The following SHTN1 variants were observed in gnomAD, a reference collection of about 807,000 sequenced individuals.
The protein encoded by SHTN1 is shootin-1.
In SHTN1, 42 loss-of-function variants were observed where a neutral mutation model predicts 83.1. The ratio of observed to expected loss-of-function variants is 0.51; its 90% confidence interval spans 0.39 to 0.65. The LOEUF (loss-of-function observed/expected upper bound fraction) is 0.65. Among genes scored for constraint, SHTN1 ranks in the 30% least tolerant of loss-of-function variants. The probability of loss-of-function intolerance (pLI) is 0.00; values close to 1 mark genes in which losing one functional copy is unlikely to be tolerated. For missense variants in SHTN1, 622 were observed against 737.8 expected (o/e 0.84, Z 1.82); for synonymous variants, 224 against 247.7 (o/e 0.90, Z 0.90).
chr10:116,886,687 A>AT (rs1476490097), intron 16 of SHTN1, 121 bp from the exon 17 acceptor site: 12 of 1,340,514 alleles, frequency 9.0e-6, no homozygotes, highest in African/African-American at 5.8e-5. Flanking sequence ...CAACATGCAT[A>AT]TAGTAGTCTT....
chr10:116,895,104 G>A (rs763830722), intron 16 of SHTN1, among the ~76,000 whole-genome samples: 1 of 152,076 alleles, frequency 6.6e-6, no homozygotes, highest in Non-Finnish European at 1.5e-5. Context: ...AAATGTATTT[G>A]GTGCTTTAGA....
At chr10:116,906,315 G>C (rs1847970221) in intron 15 of SHTN1, among the ~76,000 whole-genome samples, 1 of 152,200 alleles carries the variant, frequency 6.6e-6, no homozygotes, top group South Asian at 2.1e-4. Flanking sequence ...TGGCTCCAGA[G>C]CCTGTACTTG....
intron 5 of SHTN1, among the ~76,000 whole-genome samples, chr10:116,952,883 T>C (rs1234490945): frequency 2.6e-5 from 4 of 152,238 alleles, no homozygotes; most frequent in African/African-American, 9.6e-5. Flanking sequence ...CAGAGACTTA[T>C]TTCTGAATCA....
chr10:116,973,970 T>G (rs1648587716), intron 2 of SHTN1: 1 of 1,225,254 alleles, frequency 8.2e-7, no homozygotes, highest in Admixed American at 2.3e-5. Flanking sequence ...TTTCTGGATT[T>G]CTACACTCTT....
chr10:117,073,683 T>C (rs1473944695), intron 1 of SHTN1, among the ~76,000 whole-genome samples: 1 of 152,222 alleles, frequency 6.6e-6, no homozygotes, highest in East Asian at 1.9e-4. Flanking sequence ...AGCCCCCTCC[T>C]CTAGGAGTCT....
rs766851847 is a variant in SHTN1, at chr10:116,988,534, A to ATTAT, written c.59-9230_59-9227dup. Reference sequence around the variant, plus strand: ...ATATTTTATCTTATTTTACTTATATATTATTTATTTATTTATTTATTTTAT... The same window carrying ATTAT: ...ATATTTTATCTTATTTTACTTATATATTATTTATTTATTTATTTATTTATTTTAT... On this transcript the variant is annotated intron_variant, in intron 1 of 16. Transcript: ENST00000355371. Among the ~76,000 whole-genome samples the ATTAT allele has an allele frequency of 2.9e-3, 415 of 145,504 alleles. 3 individuals carry two copies. The highest frequency in any genetic ancestry group is 4.3e-3 in the Non-Finnish European group (285 of 65,926).
intron 15 of SHTN1, among the ~76,000 whole-genome samples, chr10:116,905,203 C>T (rs1847919753): frequency 7.6e-6 from 1 of 131,122 alleles, no homozygotes. Context: ...AGCGAGACTC[C>T]GTCTCAAAAA....
intron 1 of SHTN1, among the ~76,000 whole-genome samples, chr10:117,073,012 A>T (rs1589920367): frequency 6.6e-6 from 1 of 152,312 alleles, no homozygotes; most frequent in East Asian, 1.9e-4. Context: ...TAGCATAAAT[A>T]AAAAAATATC....
intron 16 of SHTN1, among the ~76,000 whole-genome samples, chr10:116,893,518 A>G (rs560591987): frequency 6.1e-4 from 89 of 145,318 alleles, no homozygotes; most frequent in Admixed American, 3.9e-3. Context: ...TCAGAAACAA[A>G]TGTTTACTAA....
chr10:117,115,413 A>G (rs1025782843), intron 1 of SHTN1, among the ~76,000 whole-genome samples: 1 of 152,222 alleles, frequency 6.6e-6, no homozygotes, highest in African/African-American at 2.4e-5. Flanking sequence ...GGCACCTGTC[A>G]TCAGCGCTCA....
At chr10:117,025,095 A>G (rs775032629) in intron 2 of SHTN1, among the ~76,000 whole-genome samples, 3 of 152,212 alleles carry the variant, frequency 2.0e-5, no homozygotes, top group Admixed American at 2.0e-4. Flanking sequence ...AAACACTTTC[A>G]TAAGAACCAA....
rs75191834 is a variant in SHTN1 at position 117,059,063 on chromosome 10, T to C, written c.-188-10553A>G. Among the ~76,000 whole-genome samples, 13 of 152,306 alleles carry C rather than the reference T, an allele frequency of 8.5e-5. No homozygotes were observed. The East Asian group carries it at 1.7e-3, about 20-fold the overall frequency. On this transcript the variant is annotated intron_variant, in intron 1 of 17. Coordinates refer to the SHTN1 transcript ENST00000392901. ...GAGTTATAGAAATGGATGATGGTGA[T>C]AGCTGTACAACAATATGAAGGTACT...
chr10:116,888,755 A>G (rs1054816047), intron 16 of SHTN1, among the ~76,000 whole-genome samples: 9 of 152,206 alleles, frequency 5.9e-5, no homozygotes, highest in Admixed American at 2.6e-4. Flanking sequence ...TGCACAAGCT[A>G]TAACAGAGCC....
At chr10:116,944,206 C>G (rs1849491390) in intron 8 of SHTN1, among the ~76,000 whole-genome samples, 1 of 152,180 alleles carries the variant, frequency 6.6e-6, no homozygotes, top group South Asian at 2.1e-4. Flanking sequence ...TTGAAATGTA[C>G]AGGCATCTTG....
chr10:117,043,643 C>G (rs1026000167), intron 2 of SHTN1, among the ~76,000 whole-genome samples: 1 of 151,922 alleles, frequency 6.6e-6, no homozygotes, highest in African/African-American at 2.4e-5. Context: ...GAGTTTGAGA[C>G]CAGTCTGGGC....
intron 1 of SHTN1, among the ~76,000 whole-genome samples, chr10:117,085,952 G>T: frequency 1.7e-5 from 2 of 118,594 alleles, no homozygotes; most frequent in East Asian, 2.6e-4. Context: ...ACGGAGTCTC[G>T]CTCTGTAGAC....
At chr10:117,099,653 G>A (rs920195534) in intron 1 of SHTN1, among the ~76,000 whole-genome samples, 1 of 152,036 alleles carries the variant, frequency 6.6e-6, no homozygotes, top group Admixed American at 6.5e-5. Context: ...CTAGAGAGAA[G>A]TGAAGTTAAA....
At chr10:117,100,282 T>G (rs1853571316) in intron 1 of SHTN1, among the ~76,000 whole-genome samples, 1 of 152,098 alleles carries the variant, frequency 6.6e-6, no homozygotes, top group Non-Finnish European at 1.5e-5. Context: ...GTAAGTAAAG[T>G]TTTATTAGAA....
chr10:116,898,242 C>T (rs1298638321), intron 16 of SHTN1, among the ~76,000 whole-genome samples: 23 of 151,730 alleles, frequency 1.5e-4, no homozygotes, highest in Admixed American at 1.1e-3. Flanking sequence ...GCAAGAGAAT[C>T]GCTTGAACTT....
Sources: gnomAD v4.1 joint callset for allele counts (sites outside exome capture counted in the v4.1 genomes callset) on GRCh38, gnomAD v4.1.1 for gene constraint, MANE v1.5 for transcripts, NCBI Gene and HGNC (gene_info 2026-07-23, HGNC 2026-07-21) for gene names.